CDC42BPA: variants seen among roughly 807,000 people sequenced by gnomAD.
CDC42BPA encodes CDC42 binding protein kinase alpha.
CDC42BPA carries 80 observed loss-of-function variants against 223.5 expected under a neutral mutation model. The ratio of observed to expected loss-of-function variants is 0.36; its 90% CI spans 0.30 to 0.43. CDC42BPA has a LOEUF of 0.43. Among genes scored for constraint, CDC42BPA ranks in the 20% least tolerant of loss-of-function variants. CDC42BPA has a pLI of 1.00. For missense variants in CDC42BPA, 1,743 were observed against 2,099.9 expected, an observed-to-expected ratio of 0.83 and a Z score of 3.32; for synonymous variants, 694 against 718.6, an observed-to-expected ratio of 0.97 and a Z score of 0.55.
chr1:227,121,176 A>C (rs1014132504), intron 11 of CDC42BPA, among the ~76,000 whole-genome samples: 1 of 152,198 alleles, frequency 6.6e-6, no homozygotes, highest in Non-Finnish European at 1.5e-5. Context: ...AGCATCCCCT[A>C]GGAACTTAGA....
chr1:226,994,474 GC>G lies in CDC42BPA; in HGVS notation c.5134-76del. 7.0e-7 allele frequency: 1 copy of G among 1,431,054 alleles called. No homozygotes were observed. The highest frequency in any genetic ancestry group is 9.2e-7 in the Non-Finnish European group (1 of 1,083,470). The allele number at this position is 1,431,054 out of a possible 1,614,324, so 88.6% of individuals were successfully genotyped here. A position where few individuals can be genotyped will look rare whatever the true frequency, so the allele number is the denominator to read the frequency against. On this transcript the variant is annotated intron_variant, in intron 36 of 36. Coordinates refer to ENST00000366766, the MANE Select transcript of CDC42BPA (RefSeq NM_001394014.1). The surrounding 1 kb of genome is among the most constrained non-coding windows in gnomAD (Gnocchi z 4.0). ...GGCAGAAGGGGCTCAGATTACCACC[GC>G]CCCCTCCAGCCACCCTGACCAAATA... is the stretch of plus-strand genomic sequence containing the variant.
At chr1:227,214,238 T>C (rs1450380024) in intron 2 of CDC42BPA, among the ~76,000 whole-genome samples, 2 of 150,662 alleles carry the variant, frequency 1.3e-5, no homozygotes, top group Non-Finnish European at 3.0e-5. Flanking sequence ...TAATAGCAAA[T>C]GTGCATATCA....
intron 2 of CDC42BPA, among the ~76,000 whole-genome samples, chr1:227,248,376 C>CAA (rs1226813529): frequency 6.6e-6 from 1 of 151,814 alleles, no homozygotes; most frequent in Non-Finnish European, 1.5e-5. Flanking sequence ...CACACACACA[C>CAA]AAAAAAACTT....
intron 1 of CDC42BPA, 90 bp downstream of exon 1, chr1:227,316,915 C>T (rs1393037911): frequency 4.4e-6 from 4 of 906,906 alleles, no homozygotes; most frequent in Non-Finnish European, 6.7e-6. Flanking sequence ...TTTCTTTGAA[C>T]GGAGTAGAGT....
chr1:227,235,984 T>C (rs746707020), intron 2 of CDC42BPA, among the ~76,000 whole-genome samples: 4 of 152,242 alleles, frequency 2.6e-5, no homozygotes, highest in Non-Finnish European at 4.4e-5. Context: ...AGAAAGCCAC[T>C]TTCTCCTGGG....
Position 227,308,806 on chromosome 1 carries a change from G to T in CDC42BPA, c.178+8199C>A, listed in dbSNP as rs1023410015. Among the ~76,000 whole-genome samples, 4 of 152,096 alleles carry T rather than the reference G, an allele frequency of 2.6e-5. No individual in the cohort carries two copies. In the South Asian group the frequency reaches 8.3e-4, roughly 32 times the overall value. On this transcript the variant is annotated intron_variant, in intron 1 of 36. Transcript: ENST00000366766. ...AGATATTCACCATGGAAACTCTAAG[G>T]AAACTGGATTAAGTGTTATCACTAT...
rs777323058 is a variant in CDC42BPA at position 227,047,049 on chromosome 1, T to A, written c.3093+878A>T. 4.7e-4 allele frequency among the ~76,000 whole-genome samples: 71 copies of A among 152,136 alleles called. 1 individual carries two copies. Among genetic ancestry groups the A allele is most frequent in the Non-Finnish European group, 2.6e-4 (18 of 68,026 alleles). On this transcript the variant is annotated intron_variant, in intron 23 of 36. Transcript: ENST00000366766. ...ACTAGAGTGTTTTCTTTTGGTTGGG[T>A]TGTCATATATCTTAACTTTCCTGTT... is the stretch of plus-strand genomic sequence containing the variant.
intron 5 of CDC42BPA, among the ~76,000 whole-genome samples, chr1:227,175,874 T>A (rs947734572): frequency 1.3e-5 from 2 of 152,202 alleles, no homozygotes; most frequent in Admixed American, 1.3e-4. Context: ...GTGAGGACGA[T>A]AATCTGTCAA....
chr1:227,056,856 G>C (rs1203900552), intron 21 of CDC42BPA, among the ~76,000 whole-genome samples: 1 of 152,170 alleles, frequency 6.6e-6, no homozygotes, highest in African/African-American at 2.4e-5. Flanking sequence ...CAGTATTACA[G>C]AAGTACTATA....
At chr1:227,011,906 G>A (rs1346046663) in intron 34 of CDC42BPA, among the ~76,000 whole-genome samples, 1 of 152,138 alleles carries the variant, frequency 6.6e-6, no homozygotes, top group East Asian at 1.9e-4. Context: ...AGAGGCAGAG[G>A]GTGAATGGCG....
intron 32 of CDC42BPA, among the ~76,000 whole-genome samples, chr1:227,020,147 C>T (rs909823534): frequency 6.6e-6 from 1 of 152,184 alleles, no homozygotes; most frequent in African/African-American, 2.4e-5. Context: ...CTGCCTGCCT[C>T]AGCCTCCCAA....
intron 4 of CDC42BPA, among the ~76,000 whole-genome samples, chr1:227,195,884 A>G (rs1467250371): frequency 1.3e-5 from 2 of 152,202 alleles, no homozygotes; most frequent in East Asian, 1.9e-4. Flanking sequence ...TAAAATAAAG[A>G]GCCCCTTCCA....
intron 1 of CDC42BPA, among the ~76,000 whole-genome samples, chr1:227,299,963 C>T (rs1376251149): frequency 6.6e-6 from 1 of 152,138 alleles, no homozygotes; most frequent in Non-Finnish European, 1.5e-5. Context: ...AGTTAGAAAG[C>T]GGACCAGTTT....
At chr1:227,223,651 C>A in intron 2 of CDC42BPA, among the ~76,000 whole-genome samples, 1 of 152,196 alleles carries the variant, frequency 6.6e-6, no homozygotes, top group East Asian at 1.9e-4. Flanking sequence ...CTTCTCTAAC[C>A]AATCCTTGCT....
At position 227,317,594 on chromosome 1, in the gene CDC42BPA, T is replaced by C; in HGVS notation, c.-412A>G. The C allele has an allele frequency of 5.0e-6, 2 of 397,384 alleles. No homozygotes were observed. Among genetic ancestry groups the C allele is most frequent in the East Asian group, 3.6e-5 (1 of 28,048 alleles). The allele number at this position is 397,384 out of a possible 1,614,324, so 24.6% of individuals were successfully genotyped here. ...CCTGAAACGAATCCGGTTGCATCATTAATGAATAAAGTCCGATTTGCATCA... is the reference window on the plus strand; with the variant it reads ...CCTGAAACGAATCCGGTTGCATCATCAATGAATAAAGTCCGATTTGCATCA... On this transcript the variant is annotated 5_prime_UTR_variant, in exon 1 of 37. Transcript: ENST00000366766.
intron 2 of CDC42BPA, among the ~76,000 whole-genome samples, chr1:227,217,464 G>GA (rs1366986213): frequency 2.0e-5 from 3 of 149,974 alleles, no homozygotes; most frequent in Admixed American, 1.3e-4. Flanking sequence ...AAAAAGAAAA[G>GA]AAAAAAAAGA....
intron 3 of CDC42BPA, among the ~76,000 whole-genome samples, chr1:227,200,035 T>C (rs1201387297): frequency 6.6e-6 from 1 of 152,190 alleles, no homozygotes; most frequent in African/African-American, 2.4e-5. Context: ...ACCCATTCTC[T>C]TCCCTTTCTC....
At chr1:227,278,626 T>C in intron 1 of CDC42BPA, among the ~76,000 whole-genome samples, 1 of 152,208 alleles carries the variant, frequency 6.6e-6, no homozygotes. Flanking sequence ...TAAACTTTAC[T>C]GAGAAGTAAA....
chr1:227,203,679 A>T (rs539653273), intron 3 of CDC42BPA, among the ~76,000 whole-genome samples: 1 of 152,282 alleles, frequency 6.6e-6, no homozygotes, highest in Non-Finnish European at 1.5e-5. Flanking sequence ...CCTCGGATTC[A>T]CTCACTTTCT....
Sources: allele counts gnomAD v4.1 joint callset (sites outside exome capture counted in the v4.1 genomes callset), GRCh38; gene constraint gnomAD v4.1.1; non-coding constraint Gnocchi (gnomAD v3.1); transcripts MANE v1.5; gene names NCBI Gene and HGNC (gene_info 2026-07-23, HGNC 2026-07-21).